Variants in USB1 observed in about 807,000 individuals in gnomAD.
USB1 encodes U6 snRNA phosphodiesterase 1.
In USB1, 21 loss-of-function variants were observed where a neutral mutation model predicts 29.9. The observed-to-expected ratio is 0.70, with a 90% confidence interval of 0.50 to 1.01. The LOEUF (loss-of-function observed/expected upper bound fraction) is 1.01. Among genes scored for constraint, USB1 ranks in the 50% least tolerant of loss-of-function variants. The pLI, the probability that USB1 is intolerant of heterozygous loss-of-function variation, is 0.00. For missense variants in USB1, 330 were observed against 347.1 expected, an observed-to-expected ratio of 0.95 and a Z score of 0.39; for synonymous variants, 143 against 134.9, an observed-to-expected ratio of 1.06 and a Z score of -0.42.
At chr16:58,017,475 T>C (rs1231907103) in intron 5 of USB1, 36 bp downstream of exon 5, 1 of 1,574,362 alleles carries the variant, frequency 6.4e-7, no homozygotes, top group Admixed American at 1.7e-5. Context: ...CATTGACCCA[T>C]TTCTAATGAG....
In USB1 at chr16:58,013,066, G is replaced by C; in HGVS notation, c.450-1207G>C. 1.0e-6 allele frequency: 1 copy of C among 985,496 alleles called. No homozygotes were observed. The highest frequency in any genetic ancestry group is 1.7e-5 in the African/African-American group (1 of 57,362). 61.0% of individuals were successfully genotyped at this position (985,496 alleles called of 1,614,324 possible). On this transcript the variant is annotated intron_variant, in intron 3 of 6. Coordinates refer to ENST00000219281, the MANE Select transcript of USB1 (RefSeq NM_024598.4). This position sits in a 1 kb window ranked among gnomAD's most constrained non-coding sequence, Gnocchi z 4.3. ...GGGCAGGTGTGGTCTGTTCAACTTT[G>C]ATCATCTGGTTGAGCCTAAGGTGAC... is the stretch of plus-strand genomic sequence containing the variant.
intron 3 of USB1, chr16:58,012,967 G>A (rs1963533274): frequency 2.0e-6 from 2 of 985,792 alleles, no homozygotes; most frequent in South Asian, 4.7e-5. Context: ...TGCTCACTGA[G>A]AGACTAGAAA....
At chr16:58,014,201 T>G in intron 3 of USB1, 72 bp from the exon 4 acceptor site, 3 of 1,266,564 alleles carry the variant, frequency 2.4e-6, no homozygotes, top group Non-Finnish European at 3.4e-6. Context: ...GTGCTGTTTT[T>G]TTTTAACATA....
intron 5 of USB1, 101 bp downstream of exon 5, chr16:58,017,540 A>G: frequency 1.9e-6 from 2 of 1,075,278 alleles, no homozygotes. Flanking sequence ...GACCCTTCAG[A>G]ACCTCCCGTG....
At chr16:58,005,281 G>A (rs1377858420) in intron 2 of USB1, among the ~76,000 whole-genome samples, 1 of 152,078 alleles carries the variant, frequency 6.6e-6, no homozygotes, top group African/African-American at 2.4e-5. Context: ...GAGGAGCAGA[G>A]TCTTCTCTAA....
chr16:58,002,414 G>A, intron 1 of USB1, 65 bp from the exon 2 acceptor site: 12 of 1,603,526 alleles, frequency 7.5e-6, no homozygotes, highest in Non-Finnish European at 1.0e-5. Context: ...AACTTTTGTG[G>A]TATATACAAA....
intron 2 of USB1, among the ~76,000 whole-genome samples, chr16:58,002,896 G>A (rs911198829): frequency 5.9e-5 from 9 of 152,184 alleles, no homozygotes; most frequent in Non-Finnish European, 8.8e-5. Context: ...ACGAGGAGGT[G>A]ACCAAAGGAG....
intron 2 of USB1, 161 bp downstream of exon 2, chr16:58,002,806 T>G: frequency 9.3e-7 from 1 of 1,071,210 alleles, no homozygotes; most frequent in Non-Finnish European, 1.4e-6. Flanking sequence ...TTTCAAGAAC[T>G]GGGGATTTTT....
intron 5 of USB1, among the ~76,000 whole-genome samples, chr16:58,018,567 T>C: frequency 6.6e-6 from 1 of 151,958 alleles, no homozygotes; most frequent in East Asian, 1.9e-4. Context: ...GGCATATAGA[T>C]GGCCGCCTTC....
intron 3 of USB1, chr16:58,012,638 CCT>C: frequency 7.7e-7 from 1 of 1,301,042 alleles, no homozygotes; most frequent in East Asian, 3.2e-5. Flanking sequence ...TGACCCGTCT[CCT>C]GTGTGCTTTC....
intron 3 of USB1, 112 bp from the exon 4 acceptor site, chr16:58,014,161 A>G (rs1963559964): frequency 1.2e-6 from 1 of 838,108 alleles, no homozygotes; most frequent in African/African-American, 1.7e-5. Context: ...GATAATATGA[A>G]GTGCAAAATG....
Position 58,020,891 on chromosome 16 carries a change from C to G in USB1, c.*646C>G, listed in dbSNP as rs185385414. On this transcript the variant is annotated 3_prime_UTR_variant, in exon 7 of 7. Transcript: ENST00000219281. ...ATCCTAATGCTTACTCTGGTTGTTA[C>G]ACAAAGAAAATATTGGGGTCACTGG... 1 of 160,194 alleles carries G rather than the reference C, an allele frequency of 6.2e-6. No homozygotes were observed. The highest frequency in any genetic ancestry group is 5.7e-5 in the Admixed American group (1 of 17,530). The allele number at this position is 160,194 out of a possible 1,614,324, so 9.9% of individuals were successfully genotyped here. A position where few individuals can be genotyped will look rare whatever the true frequency, so the allele number is the denominator to read the frequency against.
rs1283715165 is a variant in USB1, at chr16:58,004,632, CACAAAATA to C, written c.265+1990_265+1997del. On this transcript the variant is annotated intron_variant, in intron 2 of 6. Coordinates refer to ENST00000219281, the MANE Select transcript of USB1 (RefSeq NM_024598.4). The stretch of plus-strand genomic sequence containing the variant: ...CACCTTAGAATCCGTTTGTCAGTAT[CACAAAATA>C]ACTTGCTGAGATTTTGACTGGGATT... Among the ~76,000 whole-genome samples the C allele has an allele frequency of 4.6e-5, 7 of 152,144 alleles. No homozygotes were observed. The South Asian group carries it at 6.2e-4, about 13-fold the overall frequency.
At chr16:58,010,181 T>C in intron 3 of USB1, 69 bp downstream of exon 3, 1 of 1,590,404 alleles carries the variant, frequency 6.3e-7, no homozygotes, top group Non-Finnish European at 8.6e-7. Context: ...CCTGAGCTAC[T>C]GCGGGCATTA....
At chr16:58,011,542 G>A in intron 3 of USB1, 2 of 1,001,818 alleles carry the variant, frequency 2.0e-6, no homozygotes, top group Non-Finnish European at 2.4e-6. Context: ...CCAGAGATCA[G>A]TCGGTCCTGT....
At position 58,020,736 on chromosome 16, in the gene USB1, C is replaced by CCG. The variant is rs1170010663; in HGVS notation, c.*492_*493insGC. On this transcript the variant is annotated 3_prime_UTR_variant, in exon 7 of 7. Transcript: ENST00000219281. ...CTTCCCCTCCTCTATCTCTTCCTCT[C>CCG]CTCTCTCTCTTCCTCTCCTCTCTCT... 5 of 200,560 alleles carry CCG rather than the reference C, an allele frequency of 2.5e-5. No homozygotes were observed. Among genetic ancestry groups the CCG allele is most frequent in the African/African-American group, 1.2e-4 (5 of 41,926 alleles). 12.4% of individuals were successfully genotyped at this position (200,560 alleles called of 1,614,324 possible). A position where few individuals can be genotyped will look rare whatever the true frequency, so the allele number is the denominator to read the frequency against.
At chr16:58,012,364 A>G in intron 3 of USB1, 3 of 1,519,680 alleles carry the variant, frequency 2.0e-6, no homozygotes, top group Non-Finnish European at 2.6e-6. Flanking sequence ...AGTGGCTTAA[A>G]CCAAAGAGAA....
Position 58,020,190 on chromosome 16 carries a change from C to G in USB1, c.743C>G (p.Thr248Ser). 1 of 1,614,190 alleles carries G rather than the reference C, an allele frequency of 6.2e-7. No homozygotes were observed. The highest frequency in any genetic ancestry group is 8.5e-7 in the Non-Finnish European group (1 of 1,180,032). ...GCTGAGGTGCTGCTGCGCGTGCACACTGAGCAAGTCCGCTGCAAGTCTGGG... is the reference window on the plus strand; with the variant it reads ...GCTGAGGTGCTGCTGCGCGTGCACAGTGAGCAAGTCCGCTGCAAGTCTGGG... ...EDAEVLLRVH[T>S]EQVRCKSGNK... Residue 248 changes from threonine to serine, a missense_variant, in exon 7 of 7, where the codon ACT (threonine) becomes AGT (serine). Coordinates refer to ENST00000219281, the MANE Select transcript of USB1 (RefSeq NM_024598.4).
At chr16:58,012,424 C>A (rs1963516233) in intron 3 of USB1, 2 of 1,298,084 alleles carry the variant, frequency 1.5e-6, no homozygotes, top group South Asian at 1.3e-5. Context: ...CTGGCTCATG[C>A]ATGAGTGGAC....
Sources: allele counts gnomAD v4.1 joint callset (sites outside exome capture counted in the v4.1 genomes callset), GRCh38; gene constraint gnomAD v4.1.1; non-coding constraint Gnocchi (gnomAD v3.1); transcripts MANE v1.5; gene names NCBI Gene and HGNC (gene_info 2026-07-23, HGNC 2026-07-21).